LGSN: variants seen among roughly 807,000 people sequenced by gnomAD.
The protein encoded by LGSN is lengsin, lens protein with glutamine synthetase domain.
A neutral mutation model predicts 19.5 loss-of-function variants in LGSN; 21 were observed. The observed-to-expected ratio is 1.07, with a 90% CI of 0.76 to 1.55. LGSN has a LOEUF of 1.55. Among genes scored for constraint, LGSN ranks in the 40% most tolerant of loss-of-function variants. The pLI is 0.00. For missense variants in LGSN, 673 were observed against 608.5 expected (o/e 1.11, Z -1.12); for synonymous variants, 257 against 215.6 (o/e 1.19, Z -1.68).
chr6:63,363,102 A>G, the LGSN span, among the ~76,000 whole-genome samples: 21 of 152,222 alleles, frequency 1.4e-4, no homozygotes, highest in Admixed American at 1.3e-4. Flanking sequence ...GTGGACCTCC[A>G]GCAAACTCCA....
the LGSN span, among the ~76,000 whole-genome samples, chr6:63,538,205 T>G: frequency 6.6e-6 from 1 of 152,232 alleles, no homozygotes; most frequent in African/African-American, 2.4e-5. Context: ...AATGACAGGT[T>G]GTTCAAAAGG....
chr6:63,365,668 C>T, the LGSN span, among the ~76,000 whole-genome samples: 1 of 152,126 alleles, frequency 6.6e-6, no homozygotes, highest in African/African-American at 2.4e-5. Context: ...TCCTGATGAA[C>T]ATCAATGCAA....
chr6:63,393,275 C>A, the LGSN span, among the ~76,000 whole-genome samples: 1 of 151,948 alleles, frequency 6.6e-6, no homozygotes, highest in Non-Finnish European at 1.5e-5. Context: ...TCAAGCTATT[C>A]TCCTGCCTCA....
the LGSN span, chr6:63,572,490 G>C: frequency 5.2e-6 from 2 of 387,824 alleles, no homozygotes; most frequent in Non-Finnish European, 9.1e-6. Flanking sequence ...GCCTCGGCGC[G>C]TGTATTGGCT....
the LGSN span, among the ~76,000 whole-genome samples, chr6:63,329,341 G>A: frequency 3.3e-5 from 5 of 152,316 alleles, no homozygotes; most frequent in South Asian, 2.1e-4. Flanking sequence ...CCAGAACGAT[G>A]AACCATTCTG....
the LGSN span, among the ~76,000 whole-genome samples, chr6:63,563,058 T>C: frequency 6.6e-6 from 1 of 152,252 alleles, no homozygotes; most frequent in Non-Finnish European, 1.5e-5. Context: ...CACTTTTCTC[T>C]GCCTCCACTG....
At chr6:63,292,654 A>G (rs1767822822) in intron 2 of LGSN, among the ~76,000 whole-genome samples, 1 of 152,336 alleles carries the variant, frequency 6.6e-6, no homozygotes, top group South Asian at 2.1e-4. Context: ...TTGGTTGGCA[A>G]TATTCCTCAC....
the LGSN span, among the ~76,000 whole-genome samples, chr6:63,429,839 A>G: frequency 2.0e-5 from 3 of 151,886 alleles, no homozygotes; most frequent in African/African-American, 7.3e-5. Context: ...CTGCTCCAAC[A>G]CACTTGGCAT....
chr6:63,452,394 A>C, the LGSN span, among the ~76,000 whole-genome samples: 5 of 152,090 alleles, frequency 3.3e-5, no homozygotes, highest in Non-Finnish European at 7.4e-5. Context: ...GATTACAGGC[A>C]TGAGCCACCA....
chr6:63,327,721 G>A, the LGSN span, among the ~76,000 whole-genome samples: 1 of 152,174 alleles, frequency 6.6e-6, no homozygotes, highest in African/African-American at 2.4e-5. Context: ...AGGGTACACT[G>A]TTTTTTCTTT....
At chr6:63,552,554 T>C in the LGSN span, among the ~76,000 whole-genome samples, 27 of 152,230 alleles carry the variant, frequency 1.8e-4, no homozygotes, top group African/African-American at 3.6e-4. Context: ...TCCCATTTGT[T>C]AATTTTGGCT....
At chr6:63,534,140 GC>G in the LGSN span, among the ~76,000 whole-genome samples, 181 of 152,130 alleles carry the variant, frequency 1.2e-3, 3 homozygotes, top group African/African-American at 3.8e-3. Flanking sequence ...ACAGTGCCCA[GC>G]CGAACAAACA....
chr6:63,552,095 C>A, the LGSN span, among the ~76,000 whole-genome samples: 1 of 152,118 alleles, frequency 6.6e-6, no homozygotes, highest in Admixed American at 6.5e-5. Context: ...ATTTCTAGTT[C>A]TAGATCCCTG....
chr6:63,563,575 C>T, the LGSN span, among the ~76,000 whole-genome samples: 1 of 152,172 alleles, frequency 6.6e-6, no homozygotes, highest in Non-Finnish European at 1.5e-5. Context: ...ATATTCTATG[C>T]TTATTTACTT....
At chr6:63,569,032 C>T in the LGSN span, among the ~76,000 whole-genome samples, 1 of 152,116 alleles carries the variant, frequency 6.6e-6, no homozygotes, top group Non-Finnish European at 1.5e-5. Flanking sequence ...ATTACTCTTG[C>T]TATGTTAAAT....
At chr6:63,550,188 T>C in the LGSN span, 1 of 152,184 alleles carries the variant, frequency 6.6e-6, no homozygotes, top group Non-Finnish European at 1.5e-5. Flanking sequence ...GGTTTTTTAA[T>C]CTACATAATA....
the LGSN span, among the ~76,000 whole-genome samples, chr6:63,565,554 G>A: frequency 6.6e-6 from 1 of 152,122 alleles, no homozygotes; most frequent in Non-Finnish European, 1.5e-5. Flanking sequence ...GATCCAGCAG[G>A]ATTCATTTAT....
upstream of LGSN, among the ~76,000 whole-genome samples, chr6:63,321,092 A>G (rs945541501): frequency 5.3e-5 from 8 of 152,128 alleles, no homozygotes; most frequent in African/African-American, 1.9e-4. Context: ...AACCTCCCCA[A>G]GAAAAGGGAT....
chr6:63,538,407 A>C, the LGSN span, among the ~76,000 whole-genome samples: 1 of 152,268 alleles, frequency 6.6e-6, no homozygotes, highest in Admixed American at 6.5e-5. Flanking sequence ...TAGCAATTGA[A>C]TTATAAAAGA....
Sources: gnomAD v4.1 joint callset for allele counts (sites outside exome capture counted in the v4.1 genomes callset) on GRCh38, gnomAD v4.1.1 for gene constraint, MANE v1.5 for transcripts, NCBI Gene and HGNC (gene_info 2026-07-23, HGNC 2026-07-21) for gene names.